The following PTPRK variants were observed in gnomAD, a reference collection of about 807,000 sequenced individuals.
PTPRK encodes receptor-type tyrosine-protein phosphatase kappa.
A neutral mutation model predicts 178.0 loss-of-function variants in PTPRK; 75 were observed. The ratio of observed to expected loss-of-function variants is 0.42; its 90% CI spans 0.35 to 0.51. PTPRK has a LOEUF of 0.51. PTPRK is among the 20% of genes least tolerant of loss of function. The probability of loss-of-function intolerance (pLI) is 0.02; values close to 1 mark genes in which losing one functional copy is unlikely to be tolerated. For synonymous variants in PTPRK, 637 were observed against 620.6 expected, an observed-to-expected ratio of 1.03 and a Z score of -0.39; for missense variants, 1,441 against 1,797.8, an observed-to-expected ratio of 0.80 and a Z score of 3.59.
chr6:128,288,620 T>C (rs572004613), intron 3 of PTPRK, among the ~76,000 whole-genome samples: 51 of 152,268 alleles, frequency 3.3e-4, no homozygotes, highest in African/African-American at 1.1e-3. Flanking sequence ...CTGCTTTTGA[T>C]GTTAGAATTA....
chr6:128,172,788 T>C (rs576534894), intron 7 of PTPRK, among the ~76,000 whole-genome samples: 59 of 151,946 alleles, frequency 3.9e-4, no homozygotes, highest in Admixed American at 1.1e-3. Flanking sequence ...TACATACGTG[T>C]GTATATGACA....
intron 2 of PTPRK, among the ~76,000 whole-genome samples, chr6:128,389,382 T>G (rs868124211): frequency 1.4e-5 from 2 of 144,076 alleles, no homozygotes; most frequent in African/African-American, 5.0e-5. Flanking sequence ...CTACCTTTTC[T>G]TGTTTGCTCG....
At position 128,290,381 on chromosome 6, in the gene PTPRK, T is replaced by C. The variant is rs867945545; in HGVS notation, c.495+31658A>G. Reference sequence around the variant, plus strand: ...AGCCAAATTAACCCCATTATTTCTATAGCACTGGTTCTCAAACTGTGGTCA... The same window carrying C: ...AGCCAAATTAACCCCATTATTTCTACAGCACTGGTTCTCAAACTGTGGTCA... On this transcript the variant is annotated intron_variant, in intron 3 of 29. Transcript: ENST00000368226. Among the ~76,000 whole-genome samples, 7 of 152,256 alleles carry C rather than the reference T, an allele frequency of 4.6e-5. No individual in the cohort carries two copies. The East Asian group carries it at 1.2e-3, about 25-fold the overall frequency.
intron 11 of PTPRK, among the ~76,000 whole-genome samples, chr6:128,078,569 G>A (rs776712541): frequency 2.6e-5 from 4 of 151,928 alleles, no homozygotes; most frequent in Non-Finnish European, 5.9e-5. Context: ...TTTTGAGAGA[G>A]AACATAATCA....
intron 2 of PTPRK, among the ~76,000 whole-genome samples, chr6:128,329,916 G>T (rs1193205436): frequency 2.0e-5 from 3 of 152,160 alleles, no homozygotes; most frequent in Non-Finnish European, 2.9e-5. Context: ...CAGAGAATCA[G>T]ATTGTTATGT....
intron 5 of PTPRK, 140 bp from the exon 6 acceptor site, chr6:128,219,236 G>A (rs1339601454): frequency 1.3e-6 from 1 of 784,490 alleles, no homozygotes; most frequent in Non-Finnish European, 2.0e-6. Context: ...ATCAGGAAAA[G>A]AATGTAAGTA....
chr6:128,223,865 C>T (rs935921953), intron 5 of PTPRK, among the ~76,000 whole-genome samples: 2 of 152,020 alleles, frequency 1.3e-5, no homozygotes, highest in Non-Finnish European at 2.9e-5. Context: ...TAAACTAAAC[C>T]AAAGCTGTTA....
At chr6:127,984,587 C>T (rs1775731931) in intron 22 of PTPRK, among the ~76,000 whole-genome samples, 1 of 152,150 alleles carries the variant, frequency 6.6e-6, no homozygotes, top group South Asian at 2.1e-4. Flanking sequence ...GTAAACCTCT[C>T]TGATAAATCA....
chr6:128,487,370 A>T (rs1260151794), intron 1 of PTPRK, among the ~76,000 whole-genome samples: 1 of 151,220 alleles, frequency 6.6e-6, no homozygotes, highest in Non-Finnish European at 1.5e-5. Context: ...AAGGCCTCAA[A>T]AACAGCCTCA....
intron 7 of PTPRK, among the ~76,000 whole-genome samples, chr6:128,114,868 A>G (rs1243848690): frequency 1.3e-5 from 2 of 152,036 alleles, no homozygotes; most frequent in Non-Finnish European, 2.9e-5. Context: ...AGGAGCAAAA[A>G]GAAAGGCAGG....
At chr6:128,141,159 C>T (rs1374941314) in intron 7 of PTPRK, among the ~76,000 whole-genome samples, 1 of 151,764 alleles carries the variant, frequency 6.6e-6, no homozygotes, top group Non-Finnish European at 1.5e-5. Context: ...TTTTATTTTG[C>T]TTGATATTTT....
intron 13 of PTPRK, among the ~76,000 whole-genome samples, chr6:128,056,648 A>T (rs1779947244): frequency 6.6e-6 from 1 of 152,002 alleles, no homozygotes; most frequent in Admixed American, 6.6e-5. Flanking sequence ...CTGGTCTCGA[A>T]GTCCTGACCT....
At chr6:128,212,223 CTATG>C (rs1341282539) in intron 6 of PTPRK, among the ~76,000 whole-genome samples, 1 of 151,874 alleles carries the variant, frequency 6.6e-6, no homozygotes, top group African/African-American at 2.4e-5. Context: ...AGTACTGAGA[CTATG>C]TATGCGATTT....
At chr6:128,228,112 T>A (rs1811668532) in intron 5 of PTPRK, among the ~76,000 whole-genome samples, 2 of 140,320 alleles carry the variant, frequency 1.4e-5, no homozygotes, top group African/African-American at 5.3e-5. Context: ...GAACTTAAAG[T>A]CTAATTAAAA....
At chr6:128,190,841 C>G (rs1322516162) in intron 6 of PTPRK, among the ~76,000 whole-genome samples, 1 of 152,090 alleles carries the variant, frequency 6.6e-6, no homozygotes, top group African/African-American at 2.4e-5. Context: ...GGCTCATAAG[C>G]TTGTACTGGT....
At chr6:128,269,160 C>T (rs1485731641) in intron 3 of PTPRK, among the ~76,000 whole-genome samples, 5 of 151,966 alleles carry the variant, frequency 3.3e-5, no homozygotes, top group Non-Finnish European at 7.4e-5. Flanking sequence ...AGGGGCAATT[C>T]TTAACTTTAA....
rs62425678 is a variant in PTPRK, at chr6:128,377,762, G to A, written c.223+19804C>T. Among the ~76,000 whole-genome samples, 1,270 of 150,440 alleles carry A rather than the reference G, an allele frequency of 8.4e-3. 16 individuals are homozygous for A. The highest frequency in any genetic ancestry group is 0.014 in the Non-Finnish European group (922 of 67,622). On this transcript the variant is annotated intron_variant, in intron 2 of 29. Coordinates refer to ENST00000368226, the MANE Select transcript of PTPRK (RefSeq NM_002844.4). ...TCAAAGTTTACTAGATAAAGAAAAT[G>A]TTCTTAACTACAAAATAAATGGAAA...
chr6:128,259,585 T>C (rs571813231), intron 3 of PTPRK, among the ~76,000 whole-genome samples: 68 of 152,278 alleles, frequency 4.5e-4, no homozygotes, highest in African/African-American at 1.5e-3. Context: ...TACTTTCATT[T>C]TCTGTGTATT....
chr6:128,376,748 C>T (rs897511128), intron 2 of PTPRK, among the ~76,000 whole-genome samples: 1 of 152,188 alleles, frequency 6.6e-6, no homozygotes, highest in African/African-American at 2.4e-5. Context: ...CCAAGTCACT[C>T]TTGAATGCTT....
Sources: allele counts gnomAD v4.1 joint callset (sites outside exome capture counted in the v4.1 genomes callset), GRCh38; gene constraint gnomAD v4.1.1; transcripts MANE v1.5; gene names NCBI Gene and HGNC (gene_info 2026-07-23, HGNC 2026-07-21).